Variants in ITGAV observed in about 807,000 individuals in gnomAD.
ITGAV encodes the protein integrin subunit alpha V, also known as integrin alpha-V.
Under a neutral mutation model 143.8 loss-of-function variants are expected in ITGAV, and 76 were observed. The ratio of observed to expected loss-of-function variants is 0.53; its 90% confidence interval spans 0.44 to 0.64. The LOEUF is 0.64. Among genes scored for constraint, ITGAV ranks in the 30% least tolerant of loss-of-function variants. The probability of loss-of-function intolerance (pLI) is 0.00; values close to 1 mark genes in which losing one functional copy is unlikely to be tolerated. For missense variants in ITGAV, 1,193 were observed against 1,274.7 expected (o/e 0.94, Z 0.98); for synonymous variants, 453 against 446.7 (o/e 1.01, Z -0.18).
rs184997084 is a variant in ITGAV, at chr2:186,627,173, A to T, written c.523+1586A>T. Among the ~76,000 whole-genome samples the T allele has an allele frequency of 1.1e-3, 173 of 152,280 alleles. 1 individual carries two copies. In the South Asian group the frequency reaches 0.017, roughly 15 times the overall value. On this transcript the variant is annotated intron_variant, in intron 4 of 29. Coordinates refer to ENST00000261023, the MANE Select transcript of ITGAV (RefSeq NM_002210.5). ...GCAGAAAGAGGTGCAAGAAAGCAGGAGTAAGCAAAAGGAGCAAGCCACCCA... is the reference window on the plus strand; with the variant it reads ...GCAGAAAGAGGTGCAAGAAAGCAGGTGTAAGCAAAAGGAGCAAGCCACCCA...
At chr2:186,594,697 C>T (rs1390188302) in intron 1 of ITGAV, among the ~76,000 whole-genome samples, 1 of 152,098 alleles carries the variant, frequency 6.6e-6, no homozygotes, top group African/African-American at 2.4e-5. Context: ...GGATTAAGGT[C>T]ACTTGCAATC....
rs117489591 is a variant in ITGAV at position 186,603,496 on chromosome 2, G to A, written c.316+1345G>A. On this transcript the variant is annotated intron_variant, in intron 2 of 29. Transcript: ENST00000261023. ...TTTGAAATTATCTACATTAAACTCT[G>A]TTGTTGTATTTTTCCATATATGGCT... Among the ~76,000 whole-genome samples, 288 of 151,946 alleles carry A rather than the reference G, an allele frequency of 1.9e-3. 1 individual carries two copies. In the East Asian group the frequency reaches 0.035, roughly 19 times the overall value.
chr2:186,673,184 C>T (rs1689113923), intron 26 of ITGAV, among the ~76,000 whole-genome samples: 1 of 152,048 alleles, frequency 6.6e-6, no homozygotes, highest in Non-Finnish European at 1.5e-5. Context: ...TTATTCTTTC[C>T]CCTTAAATGG....
chr2:186,619,696 A>G (rs1687469319), intron 2 of ITGAV, among the ~76,000 whole-genome samples: 1 of 152,190 alleles, frequency 6.6e-6, no homozygotes, highest in Admixed American at 6.5e-5. Context: ...TCAATTAAGA[A>G]AAAAGGGCTC....
chr2:186,677,639 TTTGTTGTTGTTGTTG>T lies in ITGAV; in HGVS notation c.*365_*379del, dbSNP rs750013127. 8 of 189,116 alleles carry T rather than the reference TTTGTTGTTGTTGTTG, an allele frequency of 4.2e-5. No individual in the cohort carries two copies. The highest frequency in any genetic ancestry group is 9.6e-5 in the African/African-American group (4 of 41,800). 11.7% of individuals were successfully genotyped at this position (189,116 alleles called of 1,614,324 possible). On this transcript the variant is annotated 3_prime_UTR_variant, in exon 30 of 30. Transcript: ENST00000261023. ...TTCTGATTTAATGTACGGAACTTTA[TTTGTTGTTGTTGTTG>T]TTGTTGTTGTTGTTGTTTTAAAGCA...
intron 18 of ITGAV, chr2:186,660,632 T>G (rs376367496): frequency 7.2e-5 from 11 of 152,352 alleles, no homozygotes; most frequent in African/African-American, 1.9e-4. Context: ...TTTGTAATTT[T>G]TAATTTGCTG....
chr2:186,602,550 A>C (rs1056650009), intron 2 of ITGAV, among the ~76,000 whole-genome samples: 5 of 152,212 alleles, frequency 3.3e-5, no homozygotes, highest in Admixed American at 3.3e-4. Flanking sequence ...ATCTCTGATC[A>C]TGAATATATC....
In ITGAV at chr2:186,590,315, T is replaced by A; in HGVS notation, c.-24T>A. 6.5e-7 allele frequency: 1 copy of A among 1,547,136 alleles called. No individual in the cohort carries two copies. Among genetic ancestry groups the A allele is most frequent in the Non-Finnish European group, 8.7e-7 (1 of 1,150,614 alleles). On this transcript the variant is annotated 5_prime_UTR_variant, in exon 1 of 30. Transcript: ENST00000261023. ...GGGGAGGTGGCTACCGCTCCCGGCT[T>A]GGCGTCCCGCGCGCACTTCGGCGAT...
Position 186,590,425 on chromosome 2 carries a change from C to T in ITGAV, c.87C>T (p.Arg29=), listed in dbSNP as rs1479571699. The T allele has an allele frequency of 1.9e-6, 3 of 1,613,036 alleles. No individual in the cohort carries two copies. The highest frequency in any genetic ancestry group is 2.5e-6 in the Non-Finnish European group (3 of 1,179,850). Residue 29 remains arginine, a synonymous_variant, in exon 1 of 30, where the codon CGC becomes CGT. Transcript: ENST00000261023. The part of the protein sequence containing the change: ...LLSGLLLPLC[R]AFNLDVDSPA... The stretch of plus-strand genomic sequence containing the variant: ...CGGGACTCCTGCTACCTCTGTGCCG[C>T]GCCTTCAACCTAGACGTGGACAGTC...
rs1319668371 is a variant in ITGAV at position 186,679,805 on chromosome 2, A to G, written c.*2513A>G. 1 of 152,028 alleles carries G rather than the reference A, an allele frequency of 6.6e-6. No individual in the cohort carries two copies. Among genetic ancestry groups the G allele is most frequent in the East Asian group, 1.9e-4 (1 of 5,198 alleles). The allele number at this position is 152,028 out of a possible 1,614,324, so 9.4% of individuals were successfully genotyped here. On this transcript the variant is annotated 3_prime_UTR_variant, in exon 30 of 30. Transcript: ENST00000261023. ...TTTCTCTTTTCTCTTAACGATTATC[A>G]CTGTAATTCTGAATCTGAAAGGTAA...
At chr2:186,625,678 T>TGTGTGTGTGTGA (rs5836988) in intron 4 of ITGAV, 91 bp downstream of exon 4, 13,183 of 451,060 alleles carry the variant, frequency 0.029, 196 homozygotes, top group East Asian at 0.13. Context: ...TGTGTGTGTG[T>TGTGTGTGTGTGA]GAGAGAGAGA....
intron 12 of ITGAV, among the ~76,000 whole-genome samples, chr2:186,643,060 G>A (rs1372295876): frequency 2.6e-5 from 4 of 152,192 alleles, no homozygotes; most frequent in Non-Finnish European, 5.9e-5. Context: ...GTTCCATCAT[G>A]AATAAAGTTA....
At chr2:186,650,013 C>A (rs963599270) in intron 14 of ITGAV, 128 bp downstream of exon 14, 9 of 601,856 alleles carry the variant, frequency 1.5e-5, no homozygotes, top group Non-Finnish European at 2.5e-5. Flanking sequence ...TCTTTCTATT[C>A]ATGATTTGCT....
In ITGAV at chr2:186,652,055, T is replaced by C; in HGVS notation, c.1471T>C (p.Cys491Arg). 1 of 1,612,600 alleles carries C rather than the reference T, an allele frequency of 6.2e-7. No homozygotes were observed. Among genetic ancestry groups the C allele is most frequent in the Non-Finnish European group, 8.5e-7 (1 of 1,178,678 alleles). ...CATTTTAAATCAAGACAATAAAACC[T>C]GCTCACTGCCTGGAACAGCTCTCAA... ...PSILNQDNKT[C>R]SLPGTALKVS... Residue 491 changes from cysteine (C) to arginine (R), a missense_variant, in exon 15 of 30, where the codon TGC becomes CGC. Cys to Arg is a radical substitution (Grantham distance 180). Transcript: ENST00000261023.
rs1359106823 is a variant in ITGAV, at chr2:186,636,127, A to ATTTACAG, written c.677_678insTTTACAG (p.Pro227LeufsTer11). On this transcript the variant is annotated frameshift_variant, in exon 7 of 30. Transcript: ENST00000261023. LOFTEE classifies it high-confidence loss of function. ...GTGGCAGAAATCGTATCTAAATACG[A>ATTTACAG]CCCCAATGTTTACAGCATCAAGTAT... 4.3e-6 allele frequency: 7 copies of ATTTACAG among 1,613,252 alleles called. No individual in the cohort carries two copies. The highest frequency in any genetic ancestry group is 1.3e-5 in the African/African-American group (1 of 74,862).
At chr2:186,643,967 A>G (rs2105715142) in intron 12 of ITGAV, among the ~76,000 whole-genome samples, 1 of 152,318 alleles carries the variant, frequency 6.6e-6, no homozygotes, top group Admixed American at 6.5e-5. Flanking sequence ...TTGTTGAGAC[A>G]GGGTATTGCT....
Position 186,678,588 on chromosome 2 carries a change from A to G in ITGAV, c.*1296A>G, listed in dbSNP as rs1285269336. The G allele has an allele frequency of 9.3e-6, 3 of 322,080 alleles. No individual in the cohort carries two copies. Among genetic ancestry groups the G allele is most frequent in the African/African-American group, 6.6e-5 (3 of 45,130 alleles). 20.0% of individuals were successfully genotyped at this position (322,080 alleles called of 1,614,324 possible). A position where few individuals can be genotyped will look rare whatever the true frequency, so the allele number is the denominator to read the frequency against. ...TTTCTGAAGTTCGTTAGTATAAATT[A>G]CTTTTCTAGGATTATTAATAAAAGC... On this transcript the variant is annotated 3_prime_UTR_variant, in exon 30 of 30. Transcript: ENST00000261023.
At chr2:186,662,832 T>A (rs1688784526) in intron 18 of ITGAV, among the ~76,000 whole-genome samples, 1 of 151,980 alleles carries the variant, frequency 6.6e-6, no homozygotes, top group African/African-American at 2.4e-5. Flanking sequence ...TTCCGGACAT[T>A]CCTTGTGACT....
At chr2:186,670,091 C>T in intron 26 of ITGAV, 1 of 379,648 alleles carries the variant, frequency 2.6e-6, no homozygotes, top group South Asian at 2.9e-5. Flanking sequence ...TGGGCCTCCT[C>T]CTAATCTCTG....
Sources: allele counts gnomAD v4.1 joint callset (sites outside exome capture counted in the v4.1 genomes callset), GRCh38; gene constraint gnomAD v4.1.1; transcripts MANE v1.5; gene names NCBI Gene and HGNC (gene_info 2026-07-23, HGNC 2026-07-21).